Variants in JADE2 observed in about 807,000 individuals in gnomAD.
The protein encoded by JADE2 is jade family PHD finger 2.
In JADE2, 13 loss-of-function variants were observed where a neutral mutation model predicts 85.7. The observed-to-expected ratio is 0.15, with a 90% CI of 0.10 to 0.24. The LOEUF (loss-of-function observed/expected upper bound fraction) is 0.24, where lower values mean the gene tolerates loss of function less well. JADE2 is among the 10% of genes least tolerant of loss of function. The pLI, the probability that JADE2 is intolerant of heterozygous loss-of-function variation, is 1.00. For missense variants in JADE2, 846 were observed against 1,115.9 expected (o/e 0.76, Z 3.45); for synonymous variants, 440 against 456.1 (o/e 0.96, Z 0.45).
At chr5:134,524,745 A>G (rs116660004), upstream of JADE2, among the ~76,000 whole-genome samples, 4,511 of 152,110 alleles carry the variant, frequency 0.03, 282 homozygotes, top group South Asian at 0.25. Flanking sequence ...GACCCTCTCT[A>G]CGGACCGCCC....
rs1466161329 is a variant in JADE2, at chr5:134,560,742, A to G, written c.473-4A>G. The G allele has an allele frequency of 6.2e-7, 1 of 1,612,090 alleles. No individual in the cohort carries two copies. Among genetic ancestry groups the G allele is most frequent in the African/African-American group, 1.3e-5 (1 of 74,860 alleles). ...ACCACCATGCCCTGCTGTCCTCCTC[A>G]CAGAGAGGCCGGAGCTGGACGAGCT... On this transcript the variant is annotated splice_polypyrimidine_tract_variant and splice_region_variant and intron_variant, in intron 5 of 11. Coordinates refer to ENST00000681547, the MANE Select transcript of JADE2 (RefSeq NM_001388185.1).
intron 4 of JADE2, among the ~76,000 whole-genome samples, chr5:134,557,085 AAC>A (rs57933495): frequency 0.39 from 57,951 of 147,744 alleles, 12,025 homozygotes; most frequent in East Asian, 0.64. Flanking sequence ...ACACCACACA[AAC>A]ACACACACAC....
intron 10 of JADE2, chr5:134,574,035 C>T: frequency 5.7e-6 from 3 of 522,972 alleles, no homozygotes; most frequent in Non-Finnish European, 1.0e-5. Context: ...TAGGCCACAG[C>T]AGTTCAGGAG....
intron 3 of JADE2, among the ~76,000 whole-genome samples, chr5:134,543,241 G>T (rs1232813199): frequency 2.0e-5 from 3 of 151,600 alleles, no homozygotes; most frequent in Non-Finnish European, 4.4e-5. Context: ...CACCATGTTG[G>T]TCAGGCTTGT....
At chr5:134,526,093 C>T (rs1320392483) in intron 1 of JADE2, 82 bp downstream of exon 1, 4 of 985,046 alleles carry the variant, frequency 4.1e-6, no homozygotes, top group Non-Finnish European at 4.8e-6. Flanking sequence ...TGCCAGCGCT[C>T]TTCGCTCCCT....
Position 134,562,071 on chromosome 5 carries a change from T to C in JADE2, c.685-129T>C. On this transcript the variant is annotated intron_variant, in intron 6 of 11. Transcript: ENST00000681547. This position sits in a 1 kb window ranked among gnomAD's most constrained non-coding sequence, Gnocchi z 4.6. ...TTGCATTGTAACTCCTCAGAAGTTG[T>C]ACGTGCCAGAGATGGGAGGCTGTGT... 1.1e-6 allele frequency: 1 copy of C among 908,596 alleles called. No homozygotes were observed. Among genetic ancestry groups the C allele is most frequent in the Non-Finnish European group, 1.6e-6 (1 of 614,730 alleles). The allele number at this position is 908,596 out of a possible 1,614,324, so 56.3% of individuals were successfully genotyped here.
chr5:134,541,312 G>C lies in JADE2; in HGVS notation c.153+3229G>C, dbSNP rs141631124. Among the ~76,000 whole-genome samples, 458 of 152,384 alleles carry C rather than the reference G, an allele frequency of 3.0e-3. 3 individuals carry two copies. Among genetic ancestry groups the C allele is most frequent in the African/African-American group, 0.011 (446 of 41,588 alleles). ...ATTCCAACTTATCTTGGGGCAGAGA[G>C]GAAACCATCAATGAACGCTTCCAAG... On this transcript the variant is annotated intron_variant, in intron 3 of 11. Coordinates refer to ENST00000681547, the MANE Select transcript of JADE2 (RefSeq NM_001388185.1).
intron 1 of JADE2, among the ~76,000 whole-genome samples, chr5:134,530,793 C>T (rs555514286): frequency 9.6e-4 from 146 of 152,194 alleles, no homozygotes; most frequent in African/African-American, 3.2e-3. Context: ...GAGGTTAAGA[C>T]GGGGAAGGCA....
chr5:134,576,740 C>T (rs1278594631), intron 10 of JADE2, 28 bp from the exon 11 acceptor site: 5 of 1,550,374 alleles, frequency 3.2e-6, no homozygotes, highest in South Asian at 1.2e-5. Context: ...TAACCATCTC[C>T]CTCCTCCTCT....
intron 3 of JADE2, among the ~76,000 whole-genome samples, chr5:134,548,406 A>C (rs1762418438): frequency 6.6e-6 from 1 of 152,186 alleles, no homozygotes; most frequent in South Asian, 2.1e-4. Flanking sequence ...GGATGATGGT[A>C]GTACTTACCT....
At chr5:134,530,718 A>G (rs965374466) in intron 1 of JADE2, among the ~76,000 whole-genome samples, 19 of 152,350 alleles carry the variant, frequency 1.2e-4, no homozygotes, top group African/African-American at 3.6e-4. Flanking sequence ...TTGCTGCCCT[A>G]TTACTGAGTT....
intron 3 of JADE2, among the ~76,000 whole-genome samples, chr5:134,546,150 GTTTT>G (rs1329388760): frequency 4.0e-5 from 6 of 150,170 alleles, no homozygotes; most frequent in East Asian, 2.0e-4. Context: ...TTCGTTTTTT[GTTTT>G]TTTGTTTGTT....
chr5:134,525,069 T>C (rs1760717099), upstream of JADE2, among the ~76,000 whole-genome samples: 1 of 152,078 alleles, frequency 6.6e-6, no homozygotes, highest in African/African-American at 2.4e-5. Flanking sequence ...CAGGCTGTTA[T>C]TTGCAAAGAA....
chr5:134,538,671 C>T (rs1400711876), intron 3 of JADE2, among the ~76,000 whole-genome samples: 2 of 152,076 alleles, frequency 1.3e-5, no homozygotes, highest in African/African-American at 4.8e-5. Context: ...GGGTAGACTC[C>T]TGGACACCTG....
At chr5:134,541,767 G>A (rs1761975182) in intron 3 of JADE2, among the ~76,000 whole-genome samples, 1 of 152,222 alleles carries the variant, frequency 6.6e-6, no homozygotes, top group Non-Finnish European at 1.5e-5. Context: ...GGTTTGGGTG[G>A]GATAGGCAGG....
Position 134,560,730 on chromosome 5 carries a change from G to C in JADE2, c.473-16G>C, listed in dbSNP as rs1170757056. On this transcript the variant is annotated splice_polypyrimidine_tract_variant and intron_variant, in intron 5 of 11. Transcript: ENST00000681547. ...TGGGCTCCTAACACCACCATGCCCT[G>C]CTGTCCTCCTCACAGAGAGGCCGGA... is the stretch of plus-strand genomic sequence containing the variant. The C allele has an allele frequency of 6.2e-7, 1 of 1,609,230 alleles. No individual in the cohort carries two copies. Among genetic ancestry groups the C allele is most frequent in the Admixed American group, 1.7e-5 (1 of 59,378 alleles).
At chr5:134,554,183 G>A (rs771879776) in intron 4 of JADE2, among the ~76,000 whole-genome samples, 2 of 152,216 alleles carry the variant, frequency 1.3e-5, no homozygotes, top group Non-Finnish European at 2.9e-5. Context: ...CAGACTCGAA[G>A]CCCCAATAGG....
intron 3 of JADE2, among the ~76,000 whole-genome samples, chr5:134,546,903 TTC>T (rs1198116837): frequency 6.6e-6 from 1 of 152,240 alleles, no homozygotes; most frequent in African/African-American, 2.4e-5. Context: ...GATACAGTAG[TTC>T]ACCCCTTGAG....
At chr5:134,552,923 G>A (rs1014166030) in intron 4 of JADE2, among the ~76,000 whole-genome samples, 6 of 148,534 alleles carry the variant, frequency 4.0e-5, no homozygotes, top group Admixed American at 1.4e-4. Flanking sequence ...TCTGTCCACC[G>A]CCTTGGCTGG....
Sources: gnomAD v4.1 joint callset for allele counts (sites outside exome capture counted in the v4.1 genomes callset) on GRCh38, gnomAD v4.1.1 for gene constraint, Gnocchi (gnomAD v3.1) non-coding constraint, MANE v1.5 for transcripts, NCBI Gene and HGNC (gene_info 2026-07-23, HGNC 2026-07-21) for gene names.